Variants in COL4A6 observed in about 807,000 individuals in gnomAD.
The protein encoded by COL4A6 is collagen type IV alpha 6 chain.
A neutral mutation model predicts 126.7 loss-of-function variants in COL4A6; 59 were observed. The ratio of observed to expected loss-of-function variants is 0.47; its 90% CI spans 0.38 to 0.58. The LOEUF is 0.58. Among genes scored for constraint, COL4A6 ranks in the 20% least tolerant of loss-of-function variants. COL4A6 has a pLI of 0.00. For synonymous variants in COL4A6, 547 were observed against 496.6 expected, an observed-to-expected ratio of 1.10 and a Z score of -1.35; for missense variants, 1,285 against 1,337.3, an observed-to-expected ratio of 0.96 and a Z score of 0.61.
chrX:108,214,067 C>A, intron 6 of COL4A6, 45 bp downstream of exon 6: 1 of 1,093,889 alleles, frequency 9.1e-7, no homozygotes, highest in East Asian at 3.0e-5. Context: ...CACGTAGAGA[C>A]AAGCAAAGCC....
chrX:108,224,904 A>G (rs1389017994), intron 3 of COL4A6, among the ~76,000 whole-genome samples: 1 of 111,061 alleles, frequency 9.0e-6, no homozygotes, highest in Non-Finnish European at 1.9e-5. Context: ...CATAGAGACT[A>G]CAGATAAGCA....
chrX:108,167,929 G>T (rs2034181934), intron 37 of COL4A6, among the ~76,000 whole-genome samples: 1 of 111,421 alleles, frequency 9.0e-6, no homozygotes, highest in Non-Finnish European at 1.9e-5. Flanking sequence ...CCTCTCAGAG[G>T]CAATCACTCC....
intron 14 of COL4A6, 124 bp downstream of exon 14, chrX:108,196,387 T>G: frequency 3.5e-6 from 2 of 573,642 alleles, no homozygotes; most frequent in Admixed American, 2.9e-5. Context: ...GAACCTGCCA[T>G]TGGGTTGAGG....
At chrX:108,406,848 G>A (rs1470916953) in intron 2 of COL4A6, among the ~76,000 whole-genome samples, 1 of 110,286 alleles carries the variant, frequency 9.1e-6, no homozygotes, top group Non-Finnish European at 1.9e-5. Context: ...AAATGTGAAG[G>A]CATTTTTTTG....
chrX:108,206,719 G>C (rs1247876964), intron 8 of COL4A6, 139 bp from the exon 9 acceptor site: 1 of 559,756 alleles, frequency 1.8e-6, no homozygotes, highest in Admixed American at 2.3e-5. Flanking sequence ...AAATGTTCCA[G>C]TTGTCCAATG....
At chrX:108,357,308 T>C (rs1487136378) in intron 2 of COL4A6, among the ~76,000 whole-genome samples, 1 of 111,420 alleles carries the variant, frequency 9.0e-6, no homozygotes, top group Non-Finnish European at 1.9e-5. Context: ...CTGTTACTGA[T>C]AAGTCTAAGC....
chrX:108,411,971 G>A (rs886784706), intron 2 of COL4A6, among the ~76,000 whole-genome samples: 1 of 111,041 alleles, frequency 9.0e-6, no homozygotes, highest in Non-Finnish European at 1.9e-5. Flanking sequence ...GAGGCCATGG[G>A]GTGCCTGTTT....
At chrX:108,366,018 G>T (rs760607035) in intron 2 of COL4A6, among the ~76,000 whole-genome samples, 8 of 111,757 alleles carry the variant, frequency 7.2e-5, no homozygotes, top group Non-Finnish European at 9.4e-5. Flanking sequence ...TTCTAGAGAG[G>T]TTAGGTGGGA....
intron 21 of COL4A6, 53 bp from the exon 22 acceptor site, chrX:108,188,080 A>G: frequency 9.6e-7 from 1 of 1,038,056 alleles, no homozygotes; most frequent in Non-Finnish European, 1.3e-6. Flanking sequence ...GACTTCATAG[A>G]ATTCCGGCAC....
chrX:108,183,625 C>G (rs1224277993), intron 23 of COL4A6: 1 of 559,832 alleles, frequency 1.8e-6, no homozygotes, highest in Non-Finnish European at 2.4e-6. Context: ...CAGTGTGGTG[C>G]TCAGGCCATC....
At chrX:108,402,727 G>A (rs1325334669) in intron 2 of COL4A6, among the ~76,000 whole-genome samples, 6 of 110,740 alleles carry the variant, frequency 5.4e-5, no homozygotes, top group Non-Finnish European at 9.5e-5. Context: ...TATTATGTGT[G>A]TTTTCAATGT....
At chrX:108,305,755 C>G (rs2038611646) in intron 3 of COL4A6, among the ~76,000 whole-genome samples, 1 of 111,747 alleles carries the variant, frequency 8.9e-6, no homozygotes, top group Admixed American at 9.5e-5. Context: ...AGCATGACTC[C>G]CAGTTTTCTG....
intron 2 of COL4A6, among the ~76,000 whole-genome samples, chrX:108,378,557 T>A (rs1283529650): frequency 8.9e-6 from 1 of 112,422 alleles, no homozygotes; most frequent in Non-Finnish European, 1.9e-5. Flanking sequence ...GCACATAGAT[T>A]ATATTCGCCA....
At chrX:108,277,833 C>T (rs778244138) in intron 3 of COL4A6, among the ~76,000 whole-genome samples, 68 of 111,416 alleles carry the variant, frequency 6.1e-4, no homozygotes, top group Admixed American at 1.3e-3. Context: ...TCGCGGTTCA[C>T]GAAAATCCGC....
intron 2 of COL4A6, among the ~76,000 whole-genome samples, chrX:108,394,283 G>A (rs182509050): frequency 9.1e-6 from 1 of 110,112 alleles, no homozygotes; most frequent in Non-Finnish European, 1.9e-5. Flanking sequence ...CGGGGTGTAG[G>A]GGTCTAGGGG....
intron 21 of COL4A6, 104 bp from the exon 22 acceptor site, chrX:108,188,131 G>A: frequency 1.6e-6 from 1 of 631,448 alleles, no homozygotes; most frequent in Non-Finnish European, 2.4e-6. Context: ...GTACATATTG[G>A]CACTGTTCTA....
intron 2 of COL4A6, among the ~76,000 whole-genome samples, chrX:108,351,440 C>G (rs866924462): frequency 0.037 from 3,622 of 97,781 alleles, 155 homozygotes; most frequent in East Asian, 0.13. Context: ...AACTCTCTCT[C>G]TCTGTGTGTG....
chrX:108,369,572 T>C (rs1316959720), intron 2 of COL4A6, among the ~76,000 whole-genome samples: 2 of 111,849 alleles, frequency 1.8e-5, no homozygotes, highest in Non-Finnish European at 3.8e-5. Flanking sequence ...TAAAACGTTT[T>C]TGGATTAATA....
At chrX:108,384,566 G>A (rs1187891004) in intron 2 of COL4A6, among the ~76,000 whole-genome samples, 1 of 112,040 alleles carries the variant, frequency 8.9e-6, no homozygotes, top group Non-Finnish European at 1.9e-5. Context: ...TACACACTGT[G>A]TTGGGGATCT....
Sources: allele counts gnomAD v4.1 joint callset (sites outside exome capture counted in the v4.1 genomes callset), GRCh38; gene constraint gnomAD v4.1.1; transcripts MANE v1.5; gene names NCBI Gene and HGNC (gene_info 2026-07-23, HGNC 2026-07-21).